The following CSNK2A2IP variants were observed in gnomAD, a reference collection of about 807,000 sequenced individuals.
CSNK2A2IP encodes the protein casein kinase 2 subunit alpha' interacting protein.
the CSNK2A2IP span, among the ~76,000 whole-genome samples, chr3:88,365,313 A>T: frequency 6.6e-6 from 1 of 152,128 alleles, no homozygotes; most frequent in Non-Finnish European, 1.5e-5. Flanking sequence ...TAAATTAATA[A>T]CTTTTAGGCA....
chr3:88,397,855 G>A, the CSNK2A2IP span, among the ~76,000 whole-genome samples: 4 of 151,610 alleles, frequency 2.6e-5, no homozygotes, highest in Non-Finnish European at 5.9e-5. Flanking sequence ...AGTAAGAAGT[G>A]TCCTGATAAT....
chr3:88,450,858 G>T, the CSNK2A2IP span, among the ~76,000 whole-genome samples: 4 of 151,976 alleles, frequency 2.6e-5, no homozygotes, highest in African/African-American at 9.7e-5. Context: ...TTTCCTCTGG[G>T]TTTACATCCA....
chr3:88,386,123 A>AT, the CSNK2A2IP span, among the ~76,000 whole-genome samples: 2,587 of 149,052 alleles, frequency 0.017, 23 homozygotes, highest in African/African-American at 0.026. Context: ...TTTCTATGCT[A>AT]TTTTTTTTTT....
chr3:88,364,332 A>G, the CSNK2A2IP span, among the ~76,000 whole-genome samples: 2 of 151,720 alleles, frequency 1.3e-5, no homozygotes, highest in Non-Finnish European at 2.9e-5. Context: ...AGTTATTGTT[A>G]CTTCATCTTG....
the CSNK2A2IP span, chr3:88,466,227 T>A: frequency 1.6e-6 from 2 of 1,231,598 alleles, no homozygotes; most frequent in African/African-American, 3.1e-5. Flanking sequence ...ACCCCACTAT[T>A]GGAGGCTTAC....
the CSNK2A2IP span, among the ~76,000 whole-genome samples, chr3:88,345,353 A>T: frequency 6.6e-6 from 1 of 152,010 alleles, no homozygotes; most frequent in Admixed American, 6.6e-5. Flanking sequence ...TTCTTTAATT[A>T]TACATTTGAT....
the CSNK2A2IP span, among the ~76,000 whole-genome samples, chr3:88,448,939 T>A: frequency 6.6e-6 from 1 of 152,208 alleles, no homozygotes. Context: ...AATAGTGGTC[T>A]TTCTCCTCCT....
At chr3:88,391,007 C>G in the CSNK2A2IP span, among the ~76,000 whole-genome samples, 1 of 152,194 alleles carries the variant, frequency 6.6e-6, no homozygotes, top group Non-Finnish European at 1.5e-5. Flanking sequence ...CCTGTGGTCA[C>G]TTTCAGCTAT....
the CSNK2A2IP span, among the ~76,000 whole-genome samples, chr3:88,378,733 A>C: frequency 6.6e-6 from 1 of 152,012 alleles, no homozygotes; most frequent in African/African-American, 2.4e-5. Context: ...GTTACTGTTT[A>C]TAATATTCTA....
the CSNK2A2IP span, among the ~76,000 whole-genome samples, chr3:88,346,656 GA>G: frequency 5.5e-4 from 83 of 151,802 alleles, no homozygotes; most frequent in African/African-American, 1.9e-3. Context: ...CTACAGCTCA[GA>G]AAAAAAATTT....
At chr3:88,440,843 A>G in the CSNK2A2IP span, among the ~76,000 whole-genome samples, 1 of 152,122 alleles carries the variant, frequency 6.6e-6, no homozygotes. Flanking sequence ...TCATCCGGTT[A>G]CCTCATCACA....
the CSNK2A2IP span, among the ~76,000 whole-genome samples, chr3:88,386,930 T>A: frequency 2.0e-5 from 3 of 152,074 alleles, no homozygotes; most frequent in African/African-American, 7.2e-5. Flanking sequence ...AAGTCATGCA[T>A]TGAGATGGAT....
At chr3:88,369,383 T>C in the CSNK2A2IP span, among the ~76,000 whole-genome samples, 3 of 151,826 alleles carry the variant, frequency 2.0e-5, no homozygotes, top group Admixed American at 1.3e-4. Flanking sequence ...TTACAGAAAC[T>C]GGAAAATCAT....
chr3:88,377,701 T>C, the CSNK2A2IP span, among the ~76,000 whole-genome samples: 1 of 151,906 alleles, frequency 6.6e-6, no homozygotes, highest in Non-Finnish European at 1.5e-5. Context: ...ACTCTTAATA[T>C]CTTCATTTGT....
the CSNK2A2IP span, among the ~76,000 whole-genome samples, chr3:88,375,370 G>A: frequency 1.3e-5 from 2 of 151,924 alleles, no homozygotes; most frequent in African/African-American, 2.4e-5. Flanking sequence ...TATGGTAGAA[G>A]GGAAGGGAAT....
the CSNK2A2IP span, among the ~76,000 whole-genome samples, chr3:88,356,082 C>G: frequency 6.6e-6 from 1 of 152,006 alleles, no homozygotes; most frequent in African/African-American, 2.4e-5. Context: ...TTTGTCATTT[C>G]TTTATGTTAG....
chr3:88,345,216 A>G, the CSNK2A2IP span, among the ~76,000 whole-genome samples: 1 of 152,042 alleles, frequency 6.6e-6, no homozygotes, highest in East Asian at 1.9e-4. Context: ...CAGGATATGG[A>G]AACTTAAATA....
chr3:88,357,769 T>TTC, the CSNK2A2IP span, among the ~76,000 whole-genome samples: 1 of 151,610 alleles, frequency 6.6e-6, no homozygotes, highest in Non-Finnish European at 1.5e-5. Flanking sequence ...AATGGTTTTT[T>TTC]TTTGAGATGG....
At chr3:88,447,479 A>G in the CSNK2A2IP span, among the ~76,000 whole-genome samples, 3 of 152,150 alleles carry the variant, frequency 2.0e-5, no homozygotes, top group Non-Finnish European at 4.4e-5. Flanking sequence ...AAAGAAAGGA[A>G]AATGTACAAA....
Sources: gnomAD v4.1 joint callset for allele counts (sites outside exome capture counted in the v4.1 genomes callset) on GRCh38, gnomAD v4.1.1 for gene constraint, MANE v1.5 for transcripts, NCBI Gene and HGNC (gene_info 2026-07-23, HGNC 2026-07-21) for gene names.